Variants in ANKRD31 observed in about 807,000 individuals in gnomAD.
ANKRD31 encodes the protein ankyrin repeat domain 31, also known as ankyrin repeat domain-containing protein 31.
ANKRD31 carries 147 observed loss-of-function variants against 186.0 expected under a neutral mutation model. The observed-to-expected ratio is 0.79, with a 90% CI of 0.69 to 0.91. The LOEUF is 0.91. Ranked by LOEUF, ANKRD31 falls within the 40% of genes least tolerant of loss-of-function variation. ANKRD31 has a pLI of 0.00. For synonymous variants in ANKRD31, 673 were observed against 736.4 expected (o/e 0.91, Z 1.39); for missense variants, 1,986 against 2,148.8 (o/e 0.92, Z 1.50).
chr5:75,229,454 C>T (rs1368721311), intron 2 of ANKRD31, among the ~76,000 whole-genome samples: 1 of 152,070 alleles, frequency 6.6e-6, no homozygotes, highest in African/African-American at 2.4e-5. Flanking sequence ...GCTATGATCC[C>T]CAGTGCTGTC....
chr5:75,143,861 T>A, intron 15 of ANKRD31, 140 bp downstream of exon 15: 1 of 389,638 alleles, frequency 2.6e-6, no homozygotes, highest in Non-Finnish European at 4.5e-6. Context: ...ACAACAAATA[T>A]TGCTGAAATA....
At chr5:75,175,566 T>C (rs940721586) in intron 10 of ANKRD31, among the ~76,000 whole-genome samples, 8 of 152,052 alleles carry the variant, frequency 5.3e-5, no homozygotes, top group African/African-American at 1.9e-4. Flanking sequence ...GGGAACTTTC[T>C]GGGATAGTGT....
Position 75,188,549 on chromosome 5 carries a change from T to G in ANKRD31, c.1508A>C (p.Asp503Ala). The change falls in exon 10 of 26, where the codon GAT (aspartate) becomes GCT (alanine). Residue 503 changes from aspartate (D) to alanine (A), a missense_variant. Coordinates refer to ENST00000506364, the MANE Select transcript of ANKRD31 (RefSeq NM_001372053.1). Reference sequence around the variant, plus strand: ...TTTTTTTATACAATGATGAACAAGATCAGCATCATCGTGTAGAGCAGCCTT... The same window carrying G: ...TTTTTTTATACAATGATGAACAAGAGCAGCATCATCGTGTAGAGCAGCCTT... ...VYKAALHDDA[D>A]LVHHCIKKGG... 4 of 1,536,550 alleles carry G rather than the reference T, an allele frequency of 2.6e-6. No individual in the cohort carries two copies. Among genetic ancestry groups the G allele is most frequent in the Non-Finnish European group, 3.5e-6 (4 of 1,146,560 alleles).
chr5:75,172,424 C>T (rs1338245664), intron 10 of ANKRD31, among the ~76,000 whole-genome samples: 1 of 147,386 alleles, frequency 6.8e-6, no homozygotes, highest in Non-Finnish European at 1.5e-5. Flanking sequence ...ACAAAAAAAA[C>T]TTAAAAAAAT....
intron 21 of ANKRD31, among the ~76,000 whole-genome samples, chr5:75,106,513 TAAAACTATGTG>T (rs1747341261): frequency 6.6e-6 from 1 of 152,006 alleles, no homozygotes; most frequent in Admixed American, 6.6e-5. Flanking sequence ...ATATCAAACT[TAAAACTATGTG>T]AAACAAGGAG....
rs573539643 is a variant in ANKRD31, at chr5:75,146,876, T to C, written c.2535A>G (p.Glu845=). 1 of 1,536,374 alleles carries C rather than the reference T, an allele frequency of 6.5e-7. No individual in the cohort carries two copies. Residue 845 remains glutamate, a synonymous_variant, in exon 14 of 26, where the codon GAA becomes GAG. Transcript: ENST00000506364. ...CTGTAGTAACAACTGGTAACTTGAT[T>C]TCTTTATGTAATAAAAGCCCTGGGA... is the stretch of plus-strand genomic sequence containing the variant. ...VSFPGLLLHK[E]IKLPVVTTDK...
chr5:75,130,884 G>A (rs1384833421), intron 17 of ANKRD31, among the ~76,000 whole-genome samples: 3 of 152,242 alleles, frequency 2.0e-5, no homozygotes, highest in Admixed American at 6.5e-5. Context: ...GGACTTTGCA[G>A]CACCTAGCCC....
intron 11 of ANKRD31, among the ~76,000 whole-genome samples, chr5:75,167,299 A>G (rs1752999268): frequency 6.6e-6 from 1 of 152,138 alleles, no homozygotes; most frequent in Non-Finnish European, 1.5e-5. Context: ...CAGAATGCTT[A>G]AAGAAGCTCA....
Position 75,193,321 on chromosome 5 carries a change from G to T in ANKRD31, c.1288C>A (p.Gln430Lys). 6.5e-7 allele frequency: 1 copy of T among 1,535,878 alleles called. No individual in the cohort carries two copies. Among genetic ancestry groups the T allele is most frequent in the South Asian group, 1.2e-5 (1 of 84,002 alleles). Residue 430 changes from glutamine to lysine, a missense_variant, in exon 8 of 26, where the codon CAG becomes AAG. By Grantham distance (53) the Gln-to-Lys change is moderately conservative. Coordinates refer to ENST00000506364, the MANE Select transcript of ANKRD31 (RefSeq NM_001372053.1). Reference sequence around the variant, plus strand: ...AATTTCATTGCATACCTGAAATTCTGAGCTGAAGAGTTATTATTTGTTAGG... The same window carrying T: ...AATTTCATTGCATACCTGAAATTCTTAGCTGAAGAGTTATTATTTGTTAGG... ...EDLTNNNSSAQNFRMQDPALM... is the reference protein window; with the variant it reads ...EDLTNNNSSAKNFRMQDPALM...
At chr5:75,227,150 G>T (rs944512299) in intron 2 of ANKRD31, among the ~76,000 whole-genome samples, 1 of 152,126 alleles carries the variant, frequency 6.6e-6, no homozygotes, top group Non-Finnish European at 1.5e-5. Context: ...GGAACTGCAG[G>T]TCATAAGTGA....
chr5:75,075,474 G>A (rs1023039021), intron 25 of ANKRD31, among the ~76,000 whole-genome samples: 1 of 152,172 alleles, frequency 6.6e-6, no homozygotes, highest in Non-Finnish European at 1.5e-5. Flanking sequence ...AACCTAAGAA[G>A]TTAGGAAACT....
rs186148281 is a variant in ANKRD31 at position 75,101,738 on chromosome 5, T to G, written c.5331+2490A>C. 3.9e-5 allele frequency among the ~76,000 whole-genome samples: 6 copies of G among 152,342 alleles called. No homozygotes were observed. The East Asian group carries it at 1.2e-3, about 29-fold the overall frequency. On this transcript the variant is annotated intron_variant, in intron 22 of 25. Transcript: ENST00000506364. ...CAAATGGGCTACTGAAGCTTGTGCA[T>G]GCGTCACGTAGTTCTCGTGCCATGG...
In ANKRD31 at chr5:75,223,556, T is replaced by C. The variant is rs187380120; in HGVS notation, c.179-1198A>G. Among the ~76,000 whole-genome samples the C allele has an allele frequency of 1.1e-4, 16 of 152,324 alleles. No individual in the cohort carries two copies. In the East Asian group the frequency reaches 2.1e-3, roughly 20 times the overall value. The stretch of plus-strand genomic sequence containing the variant: ...ATAGAAAAATATGCAAAGAAATTAC[T>C]AGATTTTTGGTTTTTGAAAATCTGA... On this transcript the variant is annotated intron_variant, in intron 2 of 25. Coordinates refer to ENST00000506364, the MANE Select transcript of ANKRD31 (RefSeq NM_001372053.1).
Position 75,148,742 on chromosome 5 carries a change from G to T in ANKRD31, c.1853-114C>A, listed in dbSNP as rs548396376. 9 of 635,954 alleles carry T rather than the reference G, an allele frequency of 1.4e-5. No homozygotes were observed. In the East Asian group the frequency reaches 2.1e-4, roughly 15 times the overall value. 39.4% of individuals were successfully genotyped at this position (635,954 alleles called of 1,614,324 possible). On this transcript the variant is annotated intron_variant, in intron 12 of 25. Coordinates refer to ENST00000506364, the MANE Select transcript of ANKRD31 (RefSeq NM_001372053.1). ...AACCAAGTGGAATAAGTGAAATTAT[G>T]CAAACATTTTATATTAAAATTGGCA...
rs1390587214 is a variant in ANKRD31, at chr5:75,118,282, G to A, written c.3892C>T (p.Leu1298=). ...NNHLKAAEIL[L]QNGANPNQKD... ...TGATTAGGGTTTGCTCCATTTTGTA[G>A]TAGAATCTCAGCTGCCTACAAAGTA... Residue 1298 remains leucine (L), a synonymous_variant, in exon 18 of 26, where the codon CTA becomes TTA. Coordinates refer to ENST00000506364, the MANE Select transcript of ANKRD31 (RefSeq NM_001372053.1). The A allele has an allele frequency of 1.0e-5, 15 of 1,498,034 alleles. No homozygotes were observed. Among genetic ancestry groups the A allele is most frequent in the African/African-American group, 1.4e-5 (1 of 70,724 alleles). The allele number at this position is 1,498,034 out of a possible 1,614,324, so 92.8% of individuals were successfully genotyped here.
chr5:75,168,394 T>C (rs1428319682), intron 11 of ANKRD31, among the ~76,000 whole-genome samples: 3 of 152,074 alleles, frequency 2.0e-5, no homozygotes, highest in Admixed American at 2.0e-4. Flanking sequence ...CCAGAAAAAA[T>C]GTGTAGTAAG....
chr5:75,132,901 C>T (rs1213031250), intron 17 of ANKRD31, among the ~76,000 whole-genome samples: 3 of 152,118 alleles, frequency 2.0e-5, no homozygotes, highest in African/African-American at 7.2e-5. Context: ...AATTTCATAT[C>T]CAGCCAAACT....
rs139073217 is a variant in ANKRD31 at position 75,236,512 on chromosome 5, T to C, written c.104+71A>G. On this transcript the variant is annotated intron_variant, in intron 1 of 25. Coordinates refer to ENST00000506364, the MANE Select transcript of ANKRD31 (RefSeq NM_001372053.1). ...TGGTCACGATCTCCACTCAAAACTC[T>C]GACCCCCTCAGAGGGCACCTGGGCC... 2.5e-4 allele frequency: 319 copies of C among 1,294,050 alleles called. No homozygotes were observed. The African/African-American group carries it at 4.4e-3, about 18-fold the overall frequency. The allele number at this position is 1,294,050 out of a possible 1,614,324, so 80.2% of individuals were successfully genotyped here.
In ANKRD31 at chr5:75,101,388, T is replaced by C. The variant is rs1746865042; in HGVS notation, c.5331+2840A>G. On this transcript the variant is annotated intron_variant, in intron 22 of 25. Transcript: ENST00000506364. ...TCCTTCATTTCAACTTTGGTGAATCTGACAATGATGTGTCTTGGAGTTGCT... is the reference window on the plus strand; with the variant it reads ...TCCTTCATTTCAACTTTGGTGAATCCGACAATGATGTGTCTTGGAGTTGCT... Among the ~76,000 whole-genome samples, 4 of 152,242 alleles carry C rather than the reference T, an allele frequency of 2.6e-5. No homozygotes were observed. The South Asian group carries it at 8.3e-4, about 32-fold the overall frequency.
Sources: gnomAD v4.1 joint callset for allele counts (sites outside exome capture counted in the v4.1 genomes callset) on GRCh38, gnomAD v4.1.1 for gene constraint, MANE v1.5 for transcripts, NCBI Gene and HGNC (gene_info 2026-07-23, HGNC 2026-07-21) for gene names.